The following PIP5K1B variants were observed in gnomAD, a reference collection of about 807,000 sequenced individuals.
PIP5K1B encodes phosphatidylinositol-4-phosphate 5-kinase type 1 beta.
PIP5K1B carries 42 observed loss-of-function variants against 67.0 expected under a neutral mutation model. The observed-to-expected ratio is 0.63, with a 90% CI of 0.49 to 0.81. The LOEUF (loss-of-function observed/expected upper bound fraction) is 0.81, where lower values mean the gene tolerates loss of function less well. Among genes scored for constraint, PIP5K1B ranks in the 30% least tolerant of loss-of-function variants. The pLI, the probability that PIP5K1B is intolerant of heterozygous loss-of-function variation, is 0.00. For synonymous variants in PIP5K1B, 214 were observed against 231.4 expected (o/e 0.92, Z 0.68); for missense variants, 459 against 646.3 (o/e 0.71, Z 3.14).
chr9:68,716,081 T>A (rs1827620653), intron 1 of PIP5K1B, among the ~76,000 whole-genome samples: 1 of 152,194 alleles, frequency 6.6e-6, no homozygotes, highest in Admixed American at 6.5e-5. Context: ...GGATTACTTA[T>A]TTTAAAAATT....
intron 2 of PIP5K1B, among the ~76,000 whole-genome samples, chr9:68,762,537 A>T (rs886500675): frequency 6.6e-6 from 1 of 152,128 alleles, no homozygotes; most frequent in African/African-American, 2.4e-5. Flanking sequence ...CTTAGAAGGA[A>T]ATCTTCAAAA....
chr9:68,829,359 C>T (rs982221090), intron 4 of PIP5K1B, among the ~76,000 whole-genome samples: 1 of 152,100 alleles, frequency 6.6e-6, no homozygotes, highest in Non-Finnish European at 1.5e-5. Context: ...GATGAATGAC[C>T]CTTTGGTATT....
At chr9:68,997,261 T>C (rs1427126507) in intron 15 of PIP5K1B, among the ~76,000 whole-genome samples, 1 of 152,166 alleles carries the variant, frequency 6.6e-6, no homozygotes, top group Admixed American at 6.5e-5. Context: ...GAAAATTCAG[T>C]GGAACTTTTT....
At chr9:68,961,648 C>T (rs1309501295) in intron 14 of PIP5K1B, among the ~76,000 whole-genome samples, 1 of 152,104 alleles carries the variant, frequency 6.6e-6, no homozygotes, top group African/African-American at 2.4e-5. Context: ...ACCAATCTTT[C>T]CAGCCTGGAT....
chr9:68,917,896 G>T, intron 9 of PIP5K1B, 137 bp downstream of exon 9: 1 of 636,374 alleles, frequency 1.6e-6, no homozygotes, highest in Non-Finnish European at 2.8e-6. Context: ...GGTTAAACTG[G>T]TCTCCATTTC....
intron 8 of PIP5K1B, among the ~76,000 whole-genome samples, chr9:68,905,409 G>A (rs1433926786): frequency 6.6e-6 from 1 of 151,806 alleles, no homozygotes; most frequent in Admixed American, 6.6e-5. Context: ...GCAAAACAGG[G>A]CAGAGTTGCC....
intron 11 of PIP5K1B, 100 bp downstream of exon 11, chr9:68,919,829 A>G: frequency 1.5e-6 from 1 of 662,448 alleles, no homozygotes; most frequent in Non-Finnish European, 2.7e-6. Context: ...CTAAGAGGAA[A>G]TGAAACAACG....
chr9:68,837,428 A>G (rs1027959230), intron 4 of PIP5K1B, among the ~76,000 whole-genome samples: 3 of 152,090 alleles, frequency 2.0e-5, no homozygotes, highest in East Asian at 1.9e-4. Context: ...TTTCACTTTA[A>G]TTTGCATTAT....
chr9:68,739,132 A>G (rs1056796141), intron 1 of PIP5K1B, among the ~76,000 whole-genome samples: 1 of 152,154 alleles, frequency 6.6e-6, no homozygotes, highest in Non-Finnish European at 1.5e-5. Flanking sequence ...TGTAATCTTT[A>G]TGACCATTTA....
intron 2 of PIP5K1B, among the ~76,000 whole-genome samples, chr9:68,809,255 T>C (rs1256519131): frequency 1.3e-5 from 2 of 152,144 alleles, no homozygotes; most frequent in Middle Eastern, 3.2e-3. Flanking sequence ...CAGCACATTT[T>C]AAACCTTTGC....
At chr9:68,735,682 G>A (rs971853418) in intron 1 of PIP5K1B, among the ~76,000 whole-genome samples, 1 of 152,194 alleles carries the variant, frequency 6.6e-6, no homozygotes, top group Non-Finnish European at 1.5e-5. Flanking sequence ...GAGCCACTGT[G>A]CCCGGCCACA....
rs147022066 is a variant in PIP5K1B at position 68,875,295 on chromosome 9, C to CA, written c.201-1351dup. On this transcript the variant is annotated intron_variant, in intron 5 of 15. Coordinates refer to ENST00000265382, the MANE Select transcript of PIP5K1B (RefSeq NM_003558.4). The stretch of plus-strand genomic sequence containing the variant: ...GCCAGCTCCATCCTCTGGTACTCAG[C>CA]AAAAAAAAAAAAAAAAAAAAAAAAA... Among the ~76,000 whole-genome samples, 44 of 44,870 alleles carry CA rather than the reference C, an allele frequency of 9.8e-4. 10 individuals are homozygous for CA. Among genetic ancestry groups the CA allele is most frequent in the African/African-American group, 3.0e-3 (31 of 10,180 alleles). 29.4% of individuals were successfully genotyped at this position (44,870 alleles called of 152,430 possible). A position where few individuals can be genotyped will look rare whatever the true frequency, so the allele number is the denominator to read the frequency against.
At chr9:68,861,880 T>C (rs1304697654) in intron 4 of PIP5K1B, among the ~76,000 whole-genome samples, 3 of 149,310 alleles carry the variant, frequency 2.0e-5, no homozygotes, top group Non-Finnish European at 3.0e-5. Context: ...TAGCAGGGGG[T>C]TTTTTTGTTT....
intron 6 of PIP5K1B, among the ~76,000 whole-genome samples, chr9:68,885,792 A>C (rs944259668): frequency 6.6e-6 from 1 of 152,196 alleles, no homozygotes; most frequent in Non-Finnish European, 1.5e-5. Flanking sequence ...CTATACAATT[A>C]ATCCATGTAA....
intron 2 of PIP5K1B, chr9:68,788,311 G>T: frequency 1.4e-6 from 1 of 739,632 alleles, no homozygotes; most frequent in Admixed American, 2.3e-5. Context: ...CTCCCTTCAG[G>T]TTCAAACTTG....
chr9:68,797,344 A>G (rs1832350559), intron 2 of PIP5K1B, among the ~76,000 whole-genome samples: 1 of 152,246 alleles, frequency 6.6e-6, no homozygotes, highest in South Asian at 2.1e-4. Flanking sequence ...CCAGGGAGAC[A>G]AGGGGTACAT....
chr9:68,770,655 G>A (rs1009463095), intron 2 of PIP5K1B, among the ~76,000 whole-genome samples: 10 of 152,148 alleles, frequency 6.6e-5, no homozygotes, highest in Non-Finnish European at 1.0e-4. Flanking sequence ...TCATAGAAGC[G>A]CAAACCCTAC....
intron 2 of PIP5K1B, among the ~76,000 whole-genome samples, chr9:68,770,227 T>A (rs1280237387): frequency 6.6e-6 from 1 of 152,244 alleles, no homozygotes; most frequent in Admixed American, 6.5e-5. Flanking sequence ...CAAATCACTG[T>A]TTCAAGCTGG....
chr9:68,856,421 G>A (rs927057060), intron 4 of PIP5K1B, among the ~76,000 whole-genome samples: 5 of 152,112 alleles, frequency 3.3e-5, no homozygotes, highest in Non-Finnish European at 5.9e-5. Context: ...TTGTTGACAC[G>A]ACTTGTTGAC....
Sources: gnomAD v4.1 joint callset for allele counts (sites outside exome capture counted in the v4.1 genomes callset) on GRCh38, gnomAD v4.1.1 for gene constraint, MANE v1.5 for transcripts, NCBI Gene and HGNC (gene_info 2026-07-23, HGNC 2026-07-21) for gene names.